LMNTD1: variants seen among roughly 807,000 people sequenced by gnomAD.
LMNTD1 encodes lamin tail domain containing 1, also known as lamin tail domain-containing protein 1.
A neutral mutation model predicts 50.9 loss-of-function variants in LMNTD1; 35 were observed. That is an observed-to-expected ratio of 0.69 (90% confidence interval 0.53 to 0.91). LMNTD1 has a LOEUF of 0.91. Among genes scored for constraint, LMNTD1 ranks in the 40% least tolerant of loss-of-function variants. The probability of loss-of-function intolerance (pLI) is 0.00; values close to 1 mark genes in which losing one functional copy is unlikely to be tolerated. For synonymous variants in LMNTD1, 153 were observed against 161.9 expected, an observed-to-expected ratio of 0.94 and a Z score of 0.42; for missense variants, 470 against 475.5, an observed-to-expected ratio of 0.99 and a Z score of 0.11.
At chr12:25,553,322 G>A (rs912014414), upstream of LMNTD1, 1 of 1,244,560 alleles carries the variant, frequency 8.0e-7, no homozygotes, top group African/African-American at 1.5e-5. Context: ...TTAGAACTAT[G>A]AGGTAATGTC....
At chr12:25,501,743 A>G (rs917574259) in intron 9 of LMNTD1, among the ~76,000 whole-genome samples, 4 of 152,214 alleles carry the variant, frequency 2.6e-5, no homozygotes, top group African/African-American at 9.6e-5. Context: ...CAGGTTGCCA[A>G]GGATGCTCAT....
chr12:25,523,897 C>A (rs7131724), intron 6 of LMNTD1, among the ~76,000 whole-genome samples: 8 of 151,252 alleles, frequency 5.3e-5, no homozygotes, highest in African/African-American at 2.0e-4. Context: ...GGGAAGAGAG[C>A]CTATTGAGAG....
chr12:25,479,758 A>G (rs905449232), intron 9 of LMNTD1, among the ~76,000 whole-genome samples: 4 of 152,222 alleles, frequency 2.6e-5, no homozygotes, highest in Non-Finnish European at 5.9e-5. Flanking sequence ...TATTCCAGTG[A>G]AGACAAATCG....
At chr12:25,647,573 A>C (rs920043989) in intron 1 of LMNTD1, among the ~76,000 whole-genome samples, 1 of 152,192 alleles carries the variant, frequency 6.6e-6, no homozygotes, top group South Asian at 2.1e-4. Flanking sequence ...GTTAAAATAT[A>C]AGTTTAAAAA....
At chr12:25,486,297 GCTCT>G (rs1555207094) in intron 9 of LMNTD1, among the ~76,000 whole-genome samples, 6 of 148,824 alleles carry the variant, frequency 4.0e-5, no homozygotes, top group Non-Finnish European at 7.4e-5. Flanking sequence ...TCATGATTTG[GCTCT>G]CTGTTTGTCT....
At position 25,608,215 on chromosome 12, in the gene LMNTD1, C is replaced by A. The variant is rs543668734; in HGVS notation, c.58+40279G>T. On this transcript the variant is annotated intron_variant, in intron 1 of 7. Transcript: ENST00000445693. Reference sequence around the variant, plus strand: ...TCTTCCTCCATCCCTTTATTTTGAGCCTATGTGTGTCTCTGCACGTGAGAT... The same window carrying A: ...TCTTCCTCCATCCCTTTATTTTGAGACTATGTGTGTCTCTGCACGTGAGAT... 7.2e-5 allele frequency among the ~76,000 whole-genome samples: 11 copies of A among 152,258 alleles called. No individual in the cohort carries two copies. The East Asian group carries it at 1.3e-3, about 19-fold the overall frequency.
intron 4 of LMNTD1, among the ~76,000 whole-genome samples, chr12:25,532,157 GT>G (rs940583943): frequency 2.0e-5 from 3 of 151,520 alleles, no homozygotes; most frequent in South Asian, 2.1e-4. Context: ...TGTATACGTT[GT>G]TTTTTTTGTT....
intron 1 of LMNTD1, among the ~76,000 whole-genome samples, chr12:25,576,600 T>A (rs1403678953): frequency 6.6e-6 from 1 of 152,256 alleles, no homozygotes; most frequent in East Asian, 1.9e-4. Flanking sequence ...TAGCCTTTTG[T>A]CAGATGGGAA....
At chr12:25,604,528 G>C (rs1946051980) in intron 1 of LMNTD1, among the ~76,000 whole-genome samples, 1 of 151,684 alleles carries the variant, frequency 6.6e-6, no homozygotes, top group Non-Finnish European at 1.5e-5. Flanking sequence ...TCCCCGGTGT[G>C]TGATGTTCCC....
At chr12:25,632,646 G>A (rs1036003625) in intron 1 of LMNTD1, among the ~76,000 whole-genome samples, 5 of 152,096 alleles carry the variant, frequency 3.3e-5, no homozygotes, top group African/African-American at 9.7e-5. Context: ...GCTAAAAGGA[G>A]CTCTAAATCT....
At chr12:25,563,261 CCT>C (rs1281375448) in intron 1 of LMNTD1, among the ~76,000 whole-genome samples, 2 of 152,164 alleles carry the variant, frequency 1.3e-5, no homozygotes, top group Non-Finnish European at 2.9e-5. Flanking sequence ...CTGGTTTCTC[CCT>C]ATGTTTGTGG....
intron 1 of LMNTD1, among the ~76,000 whole-genome samples, chr12:25,637,705 T>C (rs932379831): frequency 4.6e-5 from 7 of 152,110 alleles, no homozygotes; most frequent in Non-Finnish European, 8.8e-5. Context: ...TTACATTCAA[T>C]ATATAAAGAA....
intron 1 of LMNTD1, among the ~76,000 whole-genome samples, chr12:25,644,012 C>T (rs1431531642): frequency 6.6e-6 from 1 of 152,094 alleles, no homozygotes; most frequent in Non-Finnish European, 1.5e-5. Context: ...TATGGGAAAG[C>T]GTTCATCATA....
At chr12:25,615,257 G>A (rs887899206) in intron 1 of LMNTD1, among the ~76,000 whole-genome samples, 1 of 152,104 alleles carries the variant, frequency 6.6e-6, no homozygotes, top group Admixed American at 6.6e-5. Flanking sequence ...CAGCAACATG[G>A]TGCAGTAAAA....
chr12:25,520,165 T>TATATATATAG (rs1373607512), intron 6 of LMNTD1, 90 bp from the exon 7 acceptor site: 1 of 219,058 alleles, frequency 4.6e-6, no homozygotes, highest in East Asian at 1.1e-4. Flanking sequence ...TATATATATA[T>TATATATATAG]ATATATATAT....
chr12:25,532,166 G>C (rs1001186541), intron 4 of LMNTD1, among the ~76,000 whole-genome samples: 6 of 151,674 alleles, frequency 4.0e-5, no homozygotes, highest in African/African-American at 1.5e-4. Context: ...TGTTTTTTTT[G>C]TTTGTTTGTT....
At chr12:25,579,317 T>TA (rs1945175004) in intron 1 of LMNTD1, among the ~76,000 whole-genome samples, 3 of 152,154 alleles carry the variant, frequency 2.0e-5, no homozygotes, top group Admixed American at 2.0e-4. Flanking sequence ...ATAACAACTA[T>TA]ATATATAGCA....
chr12:25,555,974 T>G (rs1409734746), upstream of LMNTD1, among the ~76,000 whole-genome samples: 1 of 135,964 alleles, frequency 7.4e-6, no homozygotes, highest in African/African-American at 2.7e-5. Context: ...TCTTTTTTTT[T>G]TTTTTTTTTT....
chr12:25,574,255 CA>C (rs758158191), intron 1 of LMNTD1, among the ~76,000 whole-genome samples: 3 of 152,144 alleles, frequency 2.0e-5, no homozygotes, highest in East Asian at 3.8e-4. Flanking sequence ...CTAGCTCAAA[CA>C]AAATATTCAT....
Sources: allele counts gnomAD v4.1 joint callset (sites outside exome capture counted in the v4.1 genomes callset), GRCh38; gene constraint gnomAD v4.1.1; transcripts MANE v1.5; gene names NCBI Gene and HGNC (gene_info 2026-07-23, HGNC 2026-07-21).